Variants in ABHD17C observed in about 807,000 individuals in gnomAD.
The protein encoded by ABHD17C is abhydrolase domain containing 17C, depalmitoylase, also known as alpha/beta hydrolase domain-containing protein 17C.
Under a neutral mutation model 27.9 loss-of-function variants are expected in ABHD17C, and 11 were observed. That is an observed-to-expected ratio of 0.39 (90% CI 0.25 to 0.65). ABHD17C has a LOEUF of 0.65. ABHD17C is among the 30% of genes least tolerant of loss of function. The pLI is 0.45. For missense variants in ABHD17C, 280 were observed against 470.2 expected (o/e 0.60, Z 3.74); for synonymous variants, 233 against 209.1 (o/e 1.11, Z -0.98).
intron 1 of ABHD17C, among the ~76,000 whole-genome samples, chr15:80,725,878 G>T (rs376641987): frequency 6.6e-6 from 1 of 152,114 alleles, no homozygotes; most frequent in African/African-American, 2.4e-5. Flanking sequence ...AGACCAGCTC[G>T]GTTGGGGAGA....
At chr15:80,718,938 A>C (rs1567033589) in intron 1 of ABHD17C, among the ~76,000 whole-genome samples, 1 of 152,238 alleles carries the variant, frequency 6.6e-6, no homozygotes, top group Non-Finnish European at 1.5e-5. Context: ...TGATGGCGAC[A>C]TACAGGGTAG....
chr15:80,705,493 T>C (rs1048779011), intron 1 of ABHD17C, among the ~76,000 whole-genome samples: 9 of 152,150 alleles, frequency 5.9e-5, no homozygotes, highest in African/African-American at 1.2e-4. Flanking sequence ...ATGGTTACCA[T>C]AGCTGCAACC....
chr15:80,752,226 T>C (rs745565161), intron 2 of ABHD17C, among the ~76,000 whole-genome samples: 2 of 152,178 alleles, frequency 1.3e-5, no homozygotes, highest in Non-Finnish European at 2.9e-5. Flanking sequence ...GGAAGTCACT[T>C]TAAAATTAAA....
intron 1 of ABHD17C, among the ~76,000 whole-genome samples, chr15:80,711,492 T>G (rs1894728179): frequency 6.6e-6 from 1 of 152,156 alleles, no homozygotes. Context: ...GCACTGCAGT[T>G]TTGCCAGAGG....
At chr15:80,709,692 C>A (rs551993422) in intron 1 of ABHD17C, among the ~76,000 whole-genome samples, 2 of 152,160 alleles carry the variant, frequency 1.3e-5, no homozygotes, top group Non-Finnish European at 1.5e-5. Context: ...TCACACTTCC[C>A]GGCCTCTCCC....
intron 1 of ABHD17C, chr15:80,704,523 A>G (rs1894615967): frequency 6.6e-6 from 1 of 151,924 alleles, no homozygotes; most frequent in South Asian, 2.1e-4. Flanking sequence ...CATGTACTGT[A>G]AAACTTAAAG....
chr15:80,746,404 G>A lies in ABHD17C; in HGVS notation c.591-3109G>A, dbSNP rs8032295. ...TTCTTATGGGTGTCTTCTGATGACCGGAAGTTCTTGATTTTAATGTAATAC... is the reference window on the plus strand; with the variant it reads ...TTCTTATGGGTGTCTTCTGATGACCAGAAGTTCTTGATTTTAATGTAATAC... On this transcript the variant is annotated intron_variant, in intron 1 of 2. Coordinates refer to ENST00000258884, the MANE Select transcript of ABHD17C (RefSeq NM_021214.2). 1.4e-3 allele frequency among the ~76,000 whole-genome samples: 206 copies of A among 151,994 alleles called. 2 individuals carry two copies. Among genetic ancestry groups the A allele is most frequent in the African/African-American group, 4.6e-3 (192 of 41,456 alleles).
At chr15:80,736,265 G>A (rs780482624) in intron 1 of ABHD17C, among the ~76,000 whole-genome samples, 33 of 152,244 alleles carry the variant, frequency 2.2e-4, no homozygotes, top group Middle Eastern at 3.4e-3. Context: ...ATCTACAAAC[G>A]TGTTTTTGTT....
chr15:80,749,478 C>G (rs1895338360), intron 1 of ABHD17C, 35 bp from the exon 2 acceptor site: 2 of 1,602,032 alleles, frequency 1.2e-6, no homozygotes, highest in Admixed American at 3.4e-5. Context: ...TTCTTCATAC[C>G]TTAGCTAATG....
intron 1 of ABHD17C, among the ~76,000 whole-genome samples, chr15:80,723,213 A>G (rs969732260): frequency 1.3e-5 from 2 of 151,764 alleles, no homozygotes; most frequent in African/African-American, 4.8e-5. Context: ...AAATTCCAAT[A>G]TTATAAACCT....
intron 2 of ABHD17C, among the ~76,000 whole-genome samples, chr15:80,753,492 G>T (rs1895391230): frequency 2.6e-5 from 4 of 152,106 alleles, no homozygotes. Context: ...ACAGGAAATG[G>T]GTCAGGAGTA....
At chr15:80,698,325 A>G (rs141735635) in intron 1 of ABHD17C, among the ~76,000 whole-genome samples, 1 of 152,066 alleles carries the variant, frequency 6.6e-6, no homozygotes, top group Non-Finnish European at 1.5e-5. Context: ...GGGACTCCCA[A>G]AGTGCTGGGA....
At chr15:80,715,604 G>A (rs1198384599) in intron 1 of ABHD17C, among the ~76,000 whole-genome samples, 1 of 152,204 alleles carries the variant, frequency 6.6e-6, no homozygotes, top group Non-Finnish European at 1.5e-5. Flanking sequence ...ATTTATAGTA[G>A]TAGACAGCTT....
chr15:80,696,159 C>T (rs1252248874), intron 1 of ABHD17C, 140 bp downstream of exon 1: 2 of 920,318 alleles, frequency 2.2e-6, no homozygotes, highest in Admixed American at 2.9e-5. Flanking sequence ...CCTTGGCCGC[C>T]GTAAATTCGC....
chr15:80,747,044 G>A (rs188507379), intron 1 of ABHD17C, among the ~76,000 whole-genome samples: 263 of 152,078 alleles, frequency 1.7e-3, no homozygotes, highest in African/African-American at 6.2e-3. Context: ...AATCTTCTGT[G>A]CGTCATTCAT....
chr15:80,698,488 A>G (rs907680908), intron 1 of ABHD17C, among the ~76,000 whole-genome samples: 2 of 152,230 alleles, frequency 1.3e-5, no homozygotes, highest in East Asian at 1.9e-4. Flanking sequence ...ACTGGCGGCA[A>G]ATCAGCAGTA....
At chr15:80,708,719 C>A (rs1040469794) in intron 1 of ABHD17C, among the ~76,000 whole-genome samples, 2 of 152,130 alleles carry the variant, frequency 1.3e-5, no homozygotes, top group East Asian at 1.9e-4. Context: ...TGCAGCCTGG[C>A]GGGTAATGGG....
At chr15:80,749,452 C>G (rs1036564885) in intron 1 of ABHD17C, 61 bp from the exon 2 acceptor site, 2 of 1,554,090 alleles carry the variant, frequency 1.3e-6, no homozygotes, top group Non-Finnish European at 1.7e-6. Flanking sequence ...GCGGGTTTCT[C>G]TGTCCCTTTC....
At chr15:80,709,164 A>T (rs146992440) in intron 1 of ABHD17C, among the ~76,000 whole-genome samples, 2,051 of 151,716 alleles carry the variant, frequency 0.014, 20 homozygotes, top group Non-Finnish European at 0.021. Context: ...ATATGTATAT[A>T]TTGTAAATAT....
Sources: gnomAD v4.1 joint callset for allele counts (sites outside exome capture counted in the v4.1 genomes callset) on GRCh38, gnomAD v4.1.1 for gene constraint, MANE v1.5 for transcripts, NCBI Gene and HGNC (gene_info 2026-07-23, HGNC 2026-07-21) for gene names.